Variants in AUTS2 observed in about 807,000 individuals in gnomAD.
AUTS2 encodes the protein autism susceptibility gene 2 protein.
Under a neutral mutation model 112.4 loss-of-function variants are expected in AUTS2, and 17 were observed. The observed-to-expected ratio is 0.15, with a 90% CI of 0.10 to 0.23. The LOEUF (loss-of-function observed/expected upper bound fraction) is 0.23. AUTS2 is among the 10% of genes least tolerant of loss of function. The pLI is 1.00. For missense variants in AUTS2, 1,510 were observed against 1,701.6 expected, an observed-to-expected ratio of 0.89 and a Z score of 1.98; for synonymous variants, 751 against 702.7, an observed-to-expected ratio of 1.07 and a Z score of -1.09.
intron 4 of AUTS2, chr7:70,290,424 G>C: frequency 1.3e-6 from 2 of 1,541,908 alleles, no homozygotes; most frequent in Non-Finnish European, 1.7e-6. Flanking sequence ...GAAATGATAT[G>C]AAGAGGGATG....
At chr7:70,226,522 C>A (rs1215944648) in intron 4 of AUTS2, among the ~76,000 whole-genome samples, 1 of 151,868 alleles carries the variant, frequency 6.6e-6, no homozygotes, top group Admixed American at 6.6e-5. Context: ...TTAATAATTA[C>A]ATATTACAGA....
intron 5 of AUTS2, among the ~76,000 whole-genome samples, chr7:70,660,024 A>G (rs1472332781): frequency 6.6e-6 from 1 of 151,994 alleles, no homozygotes; most frequent in Non-Finnish European, 1.5e-5. Context: ...TAAAAATACA[A>G]AAATTAGCCA....
At chr7:70,034,408 GA>G (rs1800909647) in intron 2 of AUTS2, among the ~76,000 whole-genome samples, 1 of 152,106 alleles carries the variant, frequency 6.6e-6, no homozygotes, top group Non-Finnish European at 1.5e-5. Flanking sequence ...GCACCTACTA[GA>G]ATGTAACAAA....
chr7:70,251,359 G>C (rs985361209), intron 4 of AUTS2, among the ~76,000 whole-genome samples: 2 of 151,976 alleles, frequency 1.3e-5, no homozygotes, highest in African/African-American at 4.8e-5. Context: ...CACCACACCC[G>C]GCCAATATAA....
chr7:70,347,107 G>A (rs959364345), intron 4 of AUTS2, among the ~76,000 whole-genome samples: 3 of 152,072 alleles, frequency 2.0e-5, no homozygotes, highest in Admixed American at 6.6e-5. Context: ...AGGATATTGC[G>A]GTGTGCCTCC....
chr7:70,331,287 G>A (rs940162488), intron 4 of AUTS2, among the ~76,000 whole-genome samples: 1 of 152,116 alleles, frequency 6.6e-6, no homozygotes, highest in African/African-American at 2.4e-5. Flanking sequence ...GAGGGTGTAT[G>A]TGTCCAGAAT....
intron 1 of AUTS2, among the ~76,000 whole-genome samples, chr7:69,881,287 C>A (rs116674016): frequency 6.6e-6 from 1 of 151,994 alleles, no homozygotes; most frequent in African/African-American, 2.4e-5. Flanking sequence ...CCTTTTTCCC[C>A]GTCTTTCCCT....
intron 4 of AUTS2, among the ~76,000 whole-genome samples, chr7:70,145,941 A>C (rs1174780198): frequency 6.6e-6 from 1 of 152,130 alleles, no homozygotes; most frequent in Non-Finnish European, 1.5e-5. Context: ...TTTTCAAGTC[A>C]AGGTGCCAAT....
intron 5 of AUTS2, among the ~76,000 whole-genome samples, chr7:70,524,259 C>G (rs1043920793): frequency 6.6e-6 from 1 of 152,188 alleles, no homozygotes; most frequent in Non-Finnish European, 1.5e-5. Context: ...TTCCAGAGGC[C>G]TGGAAGTATT....
chr7:69,980,898 C>G (rs971370507), intron 2 of AUTS2, among the ~76,000 whole-genome samples: 1 of 152,130 alleles, frequency 6.6e-6, no homozygotes, highest in African/African-American at 2.4e-5. Context: ...TTCTTTCTTG[C>G]ATAAATCACA....
chr7:70,302,424 G>T (rs1267840506), intron 4 of AUTS2, among the ~76,000 whole-genome samples: 1 of 151,822 alleles, frequency 6.6e-6, no homozygotes, highest in African/African-American at 2.4e-5. Flanking sequence ...AATGTAGTGA[G>T]TCATAGTTAT....
chr7:69,599,750 G>C lies in AUTS2; in HGVS notation c.97G>C (p.Gly33Arg). The C allele has an allele frequency of 2.2e-6, 3 of 1,360,642 alleles. No homozygotes were observed. In the South Asian group the frequency reaches 5.9e-5, roughly 27 times the overall value. The allele number at this position is 1,360,642 out of a possible 1,614,324, so 84.3% of individuals were successfully genotyped here. A position where few individuals can be genotyped will look rare whatever the true frequency, so the allele number is the denominator to read the frequency against. Residue 33 changes from glycine to arginine, a missense_variant, in exon 1 of 19, where the codon GGC becomes CGC. By Grantham distance (125) the Gly-to-Arg change is moderately radical. Coordinates refer to ENST00000342771, the MANE Select transcript of AUTS2 (RefSeq NM_015570.4). This position sits in a 1 kb window ranked among gnomAD's most constrained non-coding sequence, Gnocchi z 7.0. ...GCGCTCCCGGGGCGGGCTGGGGGCC[G>C]GCGCGGCCGGCGGCGGCGGGGCTGG... ...ERRSRGGLGA[G>R]AAGGGGAGRT...
At chr7:69,818,190 G>T (rs1184515234) in intron 1 of AUTS2, among the ~76,000 whole-genome samples, 1 of 152,258 alleles carries the variant, frequency 6.6e-6, no homozygotes, top group Middle Eastern at 3.4e-3. Flanking sequence ...AACTAAGGTG[G>T]TGTGTGACTG....
At chr7:69,911,601 G>C (rs752766010) in intron 2 of AUTS2, among the ~76,000 whole-genome samples, 50 of 152,156 alleles carry the variant, frequency 3.3e-4, no homozygotes, top group Non-Finnish European at 6.0e-4. Context: ...GAGACCTCAA[G>C]TGGGTAACTC....
intron 4 of AUTS2, among the ~76,000 whole-genome samples, chr7:70,318,358 A>G (rs1470075020): frequency 6.6e-6 from 1 of 152,018 alleles, no homozygotes; most frequent in East Asian, 1.9e-4. Context: ...ATGGGGAGGA[A>G]AGTCCAGGGA....
In AUTS2 at chr7:70,416,492, C is replaced by G. The variant is rs192049605; in HGVS notation, c.661-19260C>G. Among the ~76,000 whole-genome samples the G allele has an allele frequency of 3.2e-3, 487 of 152,292 alleles. 6 individuals carry two copies. The highest frequency in any genetic ancestry group is 2.1e-3 in the Non-Finnish European group (142 of 68,028). ...GCCCAAGCTCAATGCTCTCTCTCTC[C>G]TCTTGGCTTGTGGCACCTGGCCACA... is the stretch of plus-strand genomic sequence containing the variant. On this transcript the variant is annotated intron_variant, in intron 4 of 18. Coordinates refer to ENST00000342771, the MANE Select transcript of AUTS2 (RefSeq NM_015570.4).
chr7:70,530,955 A>T (rs1199156469), intron 5 of AUTS2, among the ~76,000 whole-genome samples: 1 of 152,164 alleles, frequency 6.6e-6, no homozygotes, highest in East Asian at 1.9e-4. Context: ...GGACCCAGGC[A>T]AAAGGGGAAG....
intron 5 of AUTS2, among the ~76,000 whole-genome samples, chr7:70,655,508 T>G (rs1401683448): frequency 6.6e-6 from 1 of 152,194 alleles, no homozygotes; most frequent in Non-Finnish European, 1.5e-5. Flanking sequence ...CCAAGTATAA[T>G]GTCACTACCT....
chr7:69,921,298 G>A lies in AUTS2; in HGVS notation c.522+21800G>A, dbSNP rs1372769599. ...ATTGAGATTGTCTGAAGAAATGTATGTCTTCTGGTTTTAGTATTTAGACTT... is the reference window on the plus strand; with the variant it reads ...ATTGAGATTGTCTGAAGAAATGTATATCTTCTGGTTTTAGTATTTAGACTT... On this transcript the variant is annotated intron_variant, in intron 2 of 18. Transcript: ENST00000342771. Among the ~76,000 whole-genome samples the A allele has an allele frequency of 2.2e-5, 3 of 133,714 alleles. No individual in the cohort carries two copies. The South Asian group carries it at 7.6e-4, about 34-fold the overall frequency. The allele number at this position is 133,714 out of a possible 152,430, so 87.7% of individuals were successfully genotyped here. A position where few individuals can be genotyped will look rare whatever the true frequency, so the allele number is the denominator to read the frequency against.
Sources: allele counts gnomAD v4.1 joint callset (sites outside exome capture counted in the v4.1 genomes callset), GRCh38; gene constraint gnomAD v4.1.1; non-coding constraint Gnocchi (gnomAD v3.1); transcripts MANE v1.5; gene names NCBI Gene and HGNC (gene_info 2026-07-23, HGNC 2026-07-21).